Variants in GRIN2A observed in about 807,000 individuals in gnomAD.
The protein encoded by GRIN2A is glutamate ionotropic receptor NMDA type subunit 2A.
GRIN2A carries 22 observed loss-of-function variants against 113.4 expected under a neutral mutation model. The observed-to-expected ratio is 0.19, with a 90% CI of 0.14 to 0.28. The LOEUF (loss-of-function observed/expected upper bound fraction) is 0.28, where lower values mean the gene tolerates loss of function less well. Ranked by LOEUF, GRIN2A falls within the 10% of genes least tolerant of loss-of-function variation. The probability of loss-of-function intolerance (pLI) is 1.00; values close to 1 mark genes in which losing one functional copy is unlikely to be tolerated. For synonymous variants in GRIN2A, 827 were observed against 738.4 expected, an observed-to-expected ratio of 1.12 and a Z score of -1.94; for missense variants, 1,502 against 1,887.0, an observed-to-expected ratio of 0.80 and a Z score of 3.78.
intron 2 of GRIN2A, among the ~76,000 whole-genome samples, chr16:10,106,529 C>G (rs1037064888): frequency 6.6e-6 from 1 of 151,964 alleles, no homozygotes; most frequent in Admixed American, 6.5e-5. Context: ...GCATCCTTCT[C>G]TGGGGATGAT....
At chr16:9,937,423 G>A (rs968244752) in intron 3 of GRIN2A, among the ~76,000 whole-genome samples, 7 of 152,210 alleles carry the variant, frequency 4.6e-5, no homozygotes, top group South Asian at 4.2e-4. Context: ...TCTCCATGAC[G>A]TGCTTATTTC....
At chr16:9,892,445 G>A (rs902383892) in intron 3 of GRIN2A, among the ~76,000 whole-genome samples, 1 of 152,000 alleles carries the variant, frequency 6.6e-6, no homozygotes, top group African/African-American at 2.4e-5. Context: ...AAGAGAAGGA[G>A]GAAGAGAAAA....
intron 4 of GRIN2A, among the ~76,000 whole-genome samples, chr16:9,865,807 C>T (rs529142811): frequency 4.6e-5 from 7 of 152,206 alleles, no homozygotes; most frequent in African/African-American, 1.7e-4. Context: ...CTGCACAGCC[C>T]ACAAGCTAAG....
intron 2 of GRIN2A, among the ~76,000 whole-genome samples, chr16:9,961,311 A>G (rs1337948598): frequency 6.6e-6 from 1 of 152,114 alleles, no homozygotes; most frequent in Non-Finnish European, 1.5e-5. Context: ...CAGGGAACTC[A>G]TCTAATGATA....
intron 4 of GRIN2A, among the ~76,000 whole-genome samples, chr16:9,876,467 A>T (rs1363840843): frequency 6.6e-6 from 1 of 152,132 alleles, no homozygotes; most frequent in Non-Finnish European, 1.5e-5. Context: ...TCCGGAGCTC[A>T]GGGCCTTTGC....
intron 3 of GRIN2A, among the ~76,000 whole-genome samples, chr16:9,931,608 T>C (rs1198336561): frequency 6.6e-6 from 1 of 152,164 alleles, no homozygotes; most frequent in African/African-American, 2.4e-5. Context: ...GCCATATTTC[T>C]CCCAAGGTAA....
rs34857622 is a variant in GRIN2A at position 9,920,566 on chromosome 16, AT to A, written c.1007+17392del. ...GCCTCCCTGCATATATGTGAATTGA[AT>A]TTTTTTTTTTTTTTCAGATGGAGTC... On this transcript the variant is annotated intron_variant, in intron 3 of 12. Transcript: ENST00000330684. 2.0e-3 allele frequency among the ~76,000 whole-genome samples: 292 copies of A among 144,418 alleles called. 1 individual carries two copies. Among genetic ancestry groups the A allele is most frequent in the South Asian group, 4.0e-3 (18 of 4,496 alleles). 94.7% of individuals were successfully genotyped at this position (144,418 alleles called of 152,430 possible).
intron 2 of GRIN2A, among the ~76,000 whole-genome samples, chr16:10,081,401 A>G (rs1377770307): frequency 6.6e-6 from 1 of 152,204 alleles, no homozygotes. Flanking sequence ...TTCCAAGTGA[A>G]GGCAGCTTAA....
chr16:10,019,319 T>C (rs1187901790), intron 2 of GRIN2A, among the ~76,000 whole-genome samples: 4 of 152,338 alleles, frequency 2.6e-5, no homozygotes, highest in African/African-American at 4.8e-5. Flanking sequence ...TTTATAATTA[T>C]CACTATTATT....
At chr16:9,922,988 T>TATTA (rs2044386385) in intron 3 of GRIN2A, among the ~76,000 whole-genome samples, 1 of 152,192 alleles carries the variant, frequency 6.6e-6, no homozygotes, top group South Asian at 2.1e-4. Context: ...CACAAGCAAA[T>TATTA]ATTAGGTCAA....
intron 3 of GRIN2A, among the ~76,000 whole-genome samples, chr16:9,925,481 C>G (rs552470235): frequency 2.0e-5 from 3 of 152,302 alleles, no homozygotes; most frequent in Non-Finnish European, 4.4e-5. Flanking sequence ...GATCACTTTT[C>G]TCAGGTACTC....
Position 9,764,515 on chromosome 16 carries a change from G to C in GRIN2A, c.3029C>G (p.Pro1010Arg). 1 of 1,614,022 alleles carries C rather than the reference G, an allele frequency of 6.2e-7. No homozygotes were observed. The highest frequency in any genetic ancestry group is 1.3e-5 in the African/African-American group (1 of 75,014). Residue 1010 changes from proline (P) to arginine (R), a missense_variant, in exon 13 of 13, where the codon CCC becomes CGC. By Grantham distance (103) the Pro-to-Arg change is moderately radical. Coordinates refer to ENST00000330684, the MANE Select transcript of GRIN2A (RefSeq NM_001134407.3). ...VSTESKANSR[P>R]RQLWKKSVDS... ...CACGGATTTCTTCCACAGCTGCCGG[G>C]GTCTAGAGTTCGCTTTGGATTCTGT...
chr16:9,989,953 C>T (rs531380300), intron 2 of GRIN2A, among the ~76,000 whole-genome samples: 1 of 152,230 alleles, frequency 6.6e-6, no homozygotes, highest in South Asian at 2.1e-4. Flanking sequence ...ATTAGTTCAG[C>T]CCCAGTGGAA....
At chr16:10,091,708 T>TA (rs1305102727) in intron 2 of GRIN2A, among the ~76,000 whole-genome samples, 1 of 152,174 alleles carries the variant, frequency 6.6e-6, no homozygotes, top group Non-Finnish European at 1.5e-5. Context: ...AAAACACTGA[T>TA]ACATGTGACA....
intron 2 of GRIN2A, among the ~76,000 whole-genome samples, chr16:10,075,325 T>C (rs1170836901): frequency 6.6e-6 from 1 of 152,078 alleles, no homozygotes; most frequent in Non-Finnish European, 1.5e-5. Context: ...ACGTGACTTG[T>C]CTAAAGTCCC....
At chr16:9,905,395 T>C (rs913206815) in intron 3 of GRIN2A, among the ~76,000 whole-genome samples, 1 of 152,196 alleles carries the variant, frequency 6.6e-6, no homozygotes, top group Non-Finnish European at 1.5e-5. Flanking sequence ...AAATTTCTCA[T>C]GCTTTTCAGA....
chr16:9,939,837 G>C (rs962131291), intron 2 of GRIN2A, among the ~76,000 whole-genome samples: 1 of 152,042 alleles, frequency 6.6e-6, no homozygotes, highest in African/African-American at 2.4e-5. Flanking sequence ...CTAAACAGAA[G>C]GTATGCCTCT....
At chr16:9,821,750 A>G (rs539849540) in intron 10 of GRIN2A, among the ~76,000 whole-genome samples, 1 of 152,324 alleles carries the variant, frequency 6.6e-6, no homozygotes, top group South Asian at 2.1e-4. Context: ...CCACAATGCC[A>G]ACAGACAGAG....
chr16:10,116,239 T>C (rs914640978), intron 2 of GRIN2A, among the ~76,000 whole-genome samples: 3 of 152,164 alleles, frequency 2.0e-5, no homozygotes, highest in Non-Finnish European at 4.4e-5. Context: ...AAAAACCACA[T>C]GTTCTCACTC....
Sources: allele counts gnomAD v4.1 joint callset (sites outside exome capture counted in the v4.1 genomes callset), GRCh38; gene constraint gnomAD v4.1.1; transcripts MANE v1.5; gene names NCBI Gene and HGNC (gene_info 2026-07-23, HGNC 2026-07-21).